Variants in METTL16 observed in about 807,000 individuals in gnomAD.
METTL16 encodes methyltransferase 16, RNA N6-adenosine, also known as RNA N(6)-adenosine-methyltransferase METTL16.
METTL16 carries 19 observed loss-of-function variants against 57.9 expected under a neutral mutation model. That is an observed-to-expected ratio of 0.33 (90% CI 0.23 to 0.48). The LOEUF is 0.48. METTL16 is among the 20% of genes least tolerant of loss of function. The pLI, the probability that METTL16 is intolerant of heterozygous loss-of-function variation, is 0.99. For missense variants in METTL16, 434 were observed against 691.5 expected (o/e 0.63, Z 4.18); for synonymous variants, 246 against 255.6 (o/e 0.96, Z 0.36).
chr17:2,455,081 C>G (rs2067100026), intron 6 of METTL16: 1 of 178,134 alleles, frequency 5.6e-6, no homozygotes, highest in African/African-American at 2.6e-5. Flanking sequence ...CCACTATGCC[C>G]AGGTACTTTT....
intron 4 of METTL16, among the ~76,000 whole-genome samples, chr17:2,472,820 T>C (rs1444877767): frequency 6.6e-6 from 1 of 152,010 alleles, no homozygotes; most frequent in Non-Finnish European, 1.5e-5. Flanking sequence ...AGTAAAAAGG[T>C]CAGTAGTTTC....
At chr17:2,422,182 C>T (rs1247942945) in intron 8 of METTL16, among the ~76,000 whole-genome samples, 1 of 151,822 alleles carries the variant, frequency 6.6e-6, no homozygotes, top group Non-Finnish European at 1.5e-5. Context: ...CATGGGGGCA[C>T]GCACCTATAA....
intron 8 of METTL16, among the ~76,000 whole-genome samples, chr17:2,434,548 A>C (rs966239234): frequency 6.6e-6 from 1 of 152,184 alleles, no homozygotes; most frequent in Non-Finnish European, 1.5e-5. Flanking sequence ...CTTTCAACAA[A>C]TAAATCAACA....
intron 2 of METTL16, among the ~76,000 whole-genome samples, chr17:2,493,715 T>C (rs1213429343): frequency 1.7e-5 from 1 of 58,884 alleles, no homozygotes; most frequent in Non-Finnish European, 4.8e-5. Flanking sequence ...TGAGACTCTG[T>C]CTCAAAAAAA....
At chr17:2,432,482 T>A (rs748675533) in intron 8 of METTL16, among the ~76,000 whole-genome samples, 2 of 151,684 alleles carry the variant, frequency 1.3e-5, no homozygotes, top group African/African-American at 2.4e-5. Flanking sequence ...CAGGGGAGGA[T>A]CACACGAGCC....
chr17:2,507,223 C>T (rs2067547965), intron 1 of METTL16, among the ~76,000 whole-genome samples: 1 of 148,718 alleles, frequency 6.7e-6, no homozygotes, highest in African/African-American at 2.5e-5. Context: ...CCCCGCCCGG[C>T]CAGCCGCCCC....
chr17:2,477,647 G>GA, intron 3 of METTL16, 39 bp downstream of exon 3: 1 of 1,489,750 alleles, frequency 6.7e-7, no homozygotes, highest in Non-Finnish European at 9.3e-7. Context: ...CAAAACTTAT[G>GA]AAAACTGTTT....
chr17:2,440,292 A>G lies in METTL16; in HGVS notation c.798+1198T>C, dbSNP rs1462375496. 4.6e-5 allele frequency among the ~76,000 whole-genome samples: 7 copies of G among 151,660 alleles called. No individual in the cohort carries two copies. The East Asian group carries it at 1.4e-3, about 29-fold the overall frequency. ...TGAGACGGAGTCTCGCTGTGTCACC[A>G]GGCTGGAGTGCAGTGGCACGATCTC... is the stretch of plus-strand genomic sequence containing the variant. On this transcript the variant is annotated intron_variant, in intron 7 of 9. Transcript: ENST00000263092.
chr17:2,467,258 G>T (rs548627871), intron 5 of METTL16, among the ~76,000 whole-genome samples: 1 of 152,250 alleles, frequency 6.6e-6, no homozygotes, highest in East Asian at 1.9e-4. Context: ...CACGCCTATG[G>T]CCTCAGCTAC....
intron 6 of METTL16, among the ~76,000 whole-genome samples, chr17:2,442,872 G>C (rs1485034058): frequency 6.6e-6 from 1 of 151,668 alleles, no homozygotes; most frequent in Non-Finnish European, 1.5e-5. Flanking sequence ...CTGTTGCCCA[G>C]GCTGGAGTGC....
intron 4 of METTL16, among the ~76,000 whole-genome samples, chr17:2,468,127 CTATTA>C (rs1442692985): frequency 6.6e-6 from 1 of 152,210 alleles, no homozygotes; most frequent in African/African-American, 2.4e-5. Flanking sequence ...GAGCCACAGG[CTATTA>C]CACATAGGCC....
chr17:2,447,626 G>C (rs1415819505), intron 6 of METTL16, among the ~76,000 whole-genome samples: 2 of 113,874 alleles, frequency 1.8e-5, no homozygotes, highest in Admixed American at 7.5e-5. Context: ...GGGAGGTGAG[G>C]GGCGCCTCTG....
intron 6 of METTL16, among the ~76,000 whole-genome samples, chr17:2,452,956 C>T (rs1343036958): frequency 1.3e-5 from 2 of 152,026 alleles, no homozygotes; most frequent in African/African-American, 4.8e-5. Context: ...ACCTCCCAGG[C>T]TCAGGCGATT....
At chr17:2,484,401 A>C (rs2067327016) in intron 2 of METTL16, among the ~76,000 whole-genome samples, 1 of 152,198 alleles carries the variant, frequency 6.6e-6, no homozygotes, top group South Asian at 2.1e-4. Flanking sequence ...AGTAACAAAT[A>C]GTCTGTGGTT....
chr17:2,440,548 G>T (rs72805750), intron 7 of METTL16, among the ~76,000 whole-genome samples: 5,684 of 150,702 alleles, frequency 0.038, 499 homozygotes, highest in East Asian at 0.35. Flanking sequence ...CGCCCAGCCC[G>T]ACCCCATTTC....
intron 6 of METTL16, among the ~76,000 whole-genome samples, chr17:2,442,006 ATT>A (rs1327935979): frequency 6.6e-6 from 1 of 152,250 alleles, no homozygotes; most frequent in East Asian, 1.9e-4. Context: ...TAGATAATGC[ATT>A]TGAGTTTCAA....
chr17:2,463,346 G>A (rs2067164366), intron 6 of METTL16, among the ~76,000 whole-genome samples: 1 of 152,146 alleles, frequency 6.6e-6, no homozygotes, highest in South Asian at 2.1e-4. Flanking sequence ...CCTCTTTCCT[G>A]TCTATGTAAT....
intron 2 of METTL16, among the ~76,000 whole-genome samples, chr17:2,497,969 C>T (rs933454193): frequency 1.3e-5 from 2 of 151,684 alleles, no homozygotes; most frequent in Non-Finnish European, 2.9e-5. Flanking sequence ...CTGAGGTGGG[C>T]AGATCACGAG....
chr17:2,502,409 G>T (rs1016912361), intron 1 of METTL16, 78 bp from the exon 2 acceptor site: 4 of 1,410,216 alleles, frequency 2.8e-6, no homozygotes, highest in Middle Eastern at 3.7e-4. Context: ...GGTGCCTCAT[G>T]CCTCTAATCC....
Sources: allele counts gnomAD v4.1 joint callset (sites outside exome capture counted in the v4.1 genomes callset), GRCh38; gene constraint gnomAD v4.1.1; transcripts MANE v1.5; gene names NCBI Gene and HGNC (gene_info 2026-07-23, HGNC 2026-07-21).